The following PREX1 variants were observed in gnomAD, a reference collection of about 807,000 sequenced individuals.
PREX1 encodes the protein phosphatidylinositol-3,4,5-trisphosphate dependent Rac exchange factor 1.
PREX1 carries 41 observed loss-of-function variants against 198.3 expected under a neutral mutation model. That is an observed-to-expected ratio of 0.21 (90% CI 0.16 to 0.27). The LOEUF is 0.27. Ranked by LOEUF, PREX1 falls within the 10% of genes least tolerant of loss-of-function variation. PREX1 has a pLI of 1.00. For synonymous variants in PREX1, 843 were observed against 887.2 expected (o/e 0.95, Z 0.89); for missense variants, 1,620 against 2,200.7 (o/e 0.74, Z 5.28).
At chr20:48,812,503 T>C (rs1172728102) in intron 1 of PREX1, among the ~76,000 whole-genome samples, 1 of 151,638 alleles carries the variant, frequency 6.6e-6, no homozygotes, top group Non-Finnish European at 1.5e-5. Flanking sequence ...GGGTAAATAA[T>C]ATAAGAGGAA....
chr20:48,882,984 C>T, the PREX1 span, among the ~76,000 whole-genome samples: 42 of 143,252 alleles, frequency 2.9e-4, no homozygotes, highest in Admixed American at 2.3e-3. Flanking sequence ...CAGGCTGAAG[C>T]GCAGTGATGC....
the PREX1 span, among the ~76,000 whole-genome samples, chr20:48,844,656 T>C: frequency 1.3e-5 from 2 of 152,148 alleles, no homozygotes; most frequent in African/African-American, 4.8e-5. Context: ...CTAGGGGCTA[T>C]GGCAGCCAAC....
intron 33 of PREX1, 106 bp downstream of exon 33, chr20:48,634,570 G>A: frequency 2.6e-6 from 3 of 1,134,844 alleles, no homozygotes; most frequent in Middle Eastern, 5.5e-4. Flanking sequence ...AGCCCACCTT[G>A]GGCAGCTGGC....
intron 25 of PREX1, among the ~76,000 whole-genome samples, chr20:48,647,266 T>C (rs1399501414): frequency 6.6e-6 from 1 of 152,144 alleles, no homozygotes; most frequent in Admixed American, 6.5e-5. Flanking sequence ...CTCATATCTG[T>C]AATCCCAGCA....
At chr20:48,678,263 T>C (rs934892011) in intron 13 of PREX1, among the ~76,000 whole-genome samples, 2 of 151,794 alleles carry the variant, frequency 1.3e-5, no homozygotes, top group East Asian at 1.9e-4. Flanking sequence ...TAAGCCAAGA[T>C]TGCGCCACTG....
rs143446975 is a variant in PREX1, at chr20:48,722,202, G to A, written c.621+4088C>T. On this transcript the variant is annotated intron_variant, in intron 5 of 39. Transcript: ENST00000371941. ...CTCACAATAGCCAGAAAGTGGAAAC[G>A]ACCCAAATGTCCATCAGCTAATGAG... Among the ~76,000 whole-genome samples, 1,199 of 152,256 alleles carry A rather than the reference G, an allele frequency of 7.9e-3. 9 individuals are homozygous for A. The highest frequency in any genetic ancestry group is 0.034 in the South Asian group (162 of 4,820).
At chr20:48,845,702 C>CAAA in the PREX1 span, among the ~76,000 whole-genome samples, 14,310 of 102,668 alleles carry the variant, frequency 0.14, 931 homozygotes, top group Non-Finnish European at 0.19. Context: ...ACCTTGTTTC[C>CAAA]AAAAAAAAAA....
chr20:48,745,118 C>T lies in PREX1; in HGVS notation c.321G>A (p.Leu107=), dbSNP rs138747325. 1,603 of 1,614,064 alleles carry T rather than the reference C, an allele frequency of 9.9e-4. 27 individuals carry two copies. The South Asian group carries it at 0.017, about 17-fold the overall frequency. Residue 107 remains leucine, a synonymous_variant, in exon 3 of 40, where the codon CTG becomes CTA. Coordinates refer to ENST00000371941, the MANE Select transcript of PREX1 (RefSeq NM_020820.4). ...KVLFSNIEDI[L]EVHKDFLAAL... The stretch of plus-strand genomic sequence containing the variant: ...CGGCCAAGAAATCCTTATGAACTTC[C>T]AGGATGTCTTCGATGTTCGAGAACA...
chr20:48,885,895 A>G, the PREX1 span, among the ~76,000 whole-genome samples: 1 of 152,204 alleles, frequency 6.6e-6, no homozygotes, highest in Admixed American at 6.5e-5. Context: ...AGTAGTTGCC[A>G]GGGGTTAGAG....
chr20:48,674,043 A>G (rs111731964), intron 14 of PREX1, among the ~76,000 whole-genome samples: 67 of 152,340 alleles, frequency 4.4e-4, no homozygotes, highest in African/African-American at 1.6e-3. Flanking sequence ...GTCTGGCTAT[A>G]AAAGCATGAG....
intron 30 of PREX1, among the ~76,000 whole-genome samples, chr20:48,638,723 C>T (rs908878103): frequency 6.6e-6 from 1 of 152,212 alleles, no homozygotes; most frequent in Non-Finnish European, 1.5e-5. Flanking sequence ...CCACGCCAGG[C>T]AGCCAGGGCA....
chr20:48,800,595 G>A (rs530143253), intron 1 of PREX1, among the ~76,000 whole-genome samples: 4 of 152,188 alleles, frequency 2.6e-5, no homozygotes, highest in African/African-American at 7.2e-5. Flanking sequence ...TGTCACAGAC[G>A]AGGAAACCAA....
chr20:48,829,715 G>A (rs879741573), upstream of PREX1, among the ~76,000 whole-genome samples: 11 of 152,042 alleles, frequency 7.2e-5, no homozygotes, highest in African/African-American at 9.7e-5. Context: ...CTGAGCCTCC[G>A]TTTCCTCATC....
chr20:48,794,804 T>C (rs1437317714), intron 1 of PREX1, among the ~76,000 whole-genome samples: 2 of 152,308 alleles, frequency 1.3e-5, no homozygotes, highest in East Asian at 1.9e-4. Flanking sequence ...TTAACATTTA[T>C]TGAGTGCTTG....
chr20:48,757,148 A>T (rs13043795), intron 1 of PREX1, among the ~76,000 whole-genome samples: 51,382 of 151,954 alleles, frequency 0.34, 9,984 homozygotes, highest in Non-Finnish European at 0.43. Flanking sequence ...ATCAAATGCC[A>T]GTTCTTCTGA....
At chr20:48,654,682 C>G (rs2089528869) in intron 19 of PREX1, among the ~76,000 whole-genome samples, 1 of 152,220 alleles carries the variant, frequency 6.6e-6, no homozygotes, top group South Asian at 2.1e-4. Flanking sequence ...TCTTAATGAA[C>G]ACCTAGTAAA....
In PREX1 at chr20:48,700,776, G is replaced by A. The variant is rs766990645; in HGVS notation, c.894C>T (p.Leu298=). The change falls in exon 7 of 40, where the codon CTC becomes CTT. Residue 298 remains leucine (L), a synonymous_variant. Coordinates refer to ENST00000371941, the MANE Select transcript of PREX1 (RefSeq NM_020820.4). ...ERAFFLFDNL[L]VYCKRKSRVT... is the part of the protein sequence containing the mutation. ...ACCTGGATTTCCGCTTGCAGTAGACGAGAAGGTTGTCGAAGAGGAAGAAGG... is the reference window on the plus strand; with the variant it reads ...ACCTGGATTTCCGCTTGCAGTAGACAAGAAGGTTGTCGAAGAGGAAGAAGG... 33 of 1,613,426 alleles carry A rather than the reference G, an allele frequency of 2.0e-5. No individual in the cohort carries two copies. Among genetic ancestry groups the A allele is most frequent in the South Asian group, 4.4e-5 (4 of 91,044 alleles).
chr20:48,869,655 T>C, the PREX1 span, among the ~76,000 whole-genome samples: 3 of 152,214 alleles, frequency 2.0e-5, no homozygotes, highest in Admixed American at 6.5e-5. Context: ...CATGGAATAC[T>C]ATGCAGCCAT....
At chr20:48,742,840 C>T (rs983933348) in intron 3 of PREX1, among the ~76,000 whole-genome samples, 10 of 152,262 alleles carry the variant, frequency 6.6e-5, no homozygotes, top group African/African-American at 7.2e-5. Context: ...CACTGACAAG[C>T]GAGTTAAACC....
Sources: allele counts gnomAD v4.1 joint callset (sites outside exome capture counted in the v4.1 genomes callset), GRCh38; gene constraint gnomAD v4.1.1; transcripts MANE v1.5; gene names NCBI Gene and HGNC (gene_info 2026-07-23, HGNC 2026-07-21).